Variants in PDK1 observed in about 807,000 individuals in gnomAD.
The protein encoded by PDK1 is [Pyruvate dehydrogenase (acetyl-transferring)] kinase isozyme 1, mitochondrial.
Under a neutral mutation model 54.2 loss-of-function variants are expected in PDK1, and 39 were observed. That is an observed-to-expected ratio of 0.72 (90% CI 0.56 to 0.94). The LOEUF (loss-of-function observed/expected upper bound fraction) is 0.94. Among genes scored for constraint, PDK1 ranks in the 40% least tolerant of loss-of-function variants. The pLI is 0.00. For synonymous variants in PDK1, 221 were observed against 207.1 expected (o/e 1.07, Z -0.58); for missense variants, 552 against 566.0 (o/e 0.98, Z 0.25).
chr2:172,568,697 GC>G, intron 6 of PDK1, 43 bp from the exon 7 acceptor site: 2 of 1,151,326 alleles, frequency 1.7e-6, no homozygotes, highest in Non-Finnish European at 2.6e-6. Context: ...AATGCTTTAA[GC>G]ACATCTCTCT....
the PDK1 span, among the ~76,000 whole-genome samples, chr2:172,705,263 C>A: frequency 6.6e-6 from 1 of 152,174 alleles, no homozygotes; most frequent in Non-Finnish European, 1.5e-5. Flanking sequence ...CAAGGATTTG[C>A]CTTGAAAATT....
At position 172,600,259 on chromosome 2, in the gene PDK1, A is replaced by G. The variant is rs978446735; in HGVS notation, c.*4290A>G. On this transcript the variant is annotated 3_prime_UTR_variant, in exon 11 of 11. Transcript: ENST00000282077. ...AGTACTACATGAAAATACTTAATAT[A>G]GAGTTCTACAGTTACAGTATTGCAT... 6.6e-6 allele frequency: 1 copy of G among 152,150 alleles called. No individual in the cohort carries two copies. Among genetic ancestry groups the G allele is most frequent in the Non-Finnish European group, 1.5e-5 (1 of 68,044 alleles). The allele number at this position is 152,150 out of a possible 1,614,324, so 9.4% of individuals were successfully genotyped here.
the PDK1 span, among the ~76,000 whole-genome samples, chr2:172,657,871 G>C: frequency 4.6e-5 from 7 of 152,316 alleles, no homozygotes; most frequent in Non-Finnish European, 1.0e-4. Flanking sequence ...TTTGGCTCTT[G>C]ATTCTGCAGA....
At chr2:172,591,150 G>T (rs79246370) in intron 9 of PDK1, among the ~76,000 whole-genome samples, 6,633 of 152,188 alleles carry the variant, frequency 0.044, 285 homozygotes, top group East Asian at 0.21. Flanking sequence ...ATAGCTTGAT[G>T]GCCTTGATTC....
intron 8 of PDK1, among the ~76,000 whole-genome samples, chr2:172,580,520 C>G (rs1689846694): frequency 6.6e-6 from 1 of 152,188 alleles, no homozygotes; most frequent in Non-Finnish European, 1.5e-5. Flanking sequence ...GAGATTACTT[C>G]TGTGCTGGTG....
the PDK1 span, among the ~76,000 whole-genome samples, chr2:172,697,959 C>G: frequency 0.12 from 17,542 of 152,120 alleles, 1,126 homozygotes; most frequent in South Asian, 0.2. Flanking sequence ...AAGCATCTCA[C>G]CGGAAAACTA....
the PDK1 span, among the ~76,000 whole-genome samples, chr2:172,635,220 ATG>A: frequency 6.6e-6 from 1 of 152,230 alleles, no homozygotes; most frequent in African/African-American, 2.4e-5. Flanking sequence ...TTATATAAAA[ATG>A]TATTTCATTC....
At chr2:172,699,434 A>AT in the PDK1 span, among the ~76,000 whole-genome samples, 227 of 144,276 alleles carry the variant, frequency 1.6e-3, 1 homozygote, top group African/African-American at 5.2e-3. Context: ...AATCGTTCAT[A>AT]TTTTTTTTGA....
the PDK1 span, among the ~76,000 whole-genome samples, chr2:172,718,786 C>G: frequency 2.0e-5 from 3 of 152,110 alleles, no homozygotes; most frequent in African/African-American, 7.2e-5. Context: ...AGTCAGGAAG[C>G]CAGAGTCCCT....
chr2:172,654,954 C>T, the PDK1 span, among the ~76,000 whole-genome samples: 2 of 152,224 alleles, frequency 1.3e-5, no homozygotes, highest in African/African-American at 4.8e-5. Context: ...GGGATTTTGT[C>T]AGTTATACTC....
chr2:172,611,682 C>G (rs1216277878), downstream of PDK1, among the ~76,000 whole-genome samples: 1 of 152,154 alleles, frequency 6.6e-6, no homozygotes. Flanking sequence ...TAATGTATAA[C>G]AAGAAGTACG....
At chr2:172,587,603 A>G (rs1690319917) in intron 9 of PDK1, among the ~76,000 whole-genome samples, 1 of 152,078 alleles carries the variant, frequency 6.6e-6, no homozygotes. Flanking sequence ...TATTGTGAAG[A>G]GCAAAAGAAC....
At chr2:172,617,111 G>A in the PDK1 span, among the ~76,000 whole-genome samples, 1 of 151,948 alleles carries the variant, frequency 6.6e-6, no homozygotes, top group African/African-American at 2.4e-5. Flanking sequence ...CACCACACAT[G>A]GCTAATTTTT....
chr2:172,612,405 T>C (rs918872475), downstream of PDK1, among the ~76,000 whole-genome samples: 2 of 152,232 alleles, frequency 1.3e-5, no homozygotes, highest in Non-Finnish European at 2.9e-5. Flanking sequence ...ACTGAATATA[T>C]GTTAGTAATT....
the PDK1 span, among the ~76,000 whole-genome samples, chr2:172,616,381 A>G: frequency 2.6e-5 from 4 of 152,376 alleles, no homozygotes; most frequent in East Asian, 1.9e-4. Context: ...TTAATGAACT[A>G]TAGCTACACA....
rs1691169054 is a variant in PDK1 at position 172,603,106 on chromosome 2, A to C, written c.*7137A>C. ...GGGCCTGAGATTCTGCATTTCTAAC[A>C]AGTTTCCTGGTGATATTAATGCTGC... On this transcript the variant is annotated 3_prime_UTR_variant, in exon 11 of 11. Coordinates refer to ENST00000282077, the MANE Select transcript of PDK1 (RefSeq NM_002610.5). The C allele has an allele frequency of 6.6e-6, 1 of 152,162 alleles. No homozygotes were observed. Among genetic ancestry groups the C allele is most frequent in the African/African-American group, 2.4e-5 (1 of 41,426 alleles). The allele number at this position is 152,162 out of a possible 1,614,324, so 9.4% of individuals were successfully genotyped here.
At chr2:172,579,033 C>G (rs2149256000) in intron 8 of PDK1, among the ~76,000 whole-genome samples, 1 of 152,270 alleles carries the variant, frequency 6.6e-6, no homozygotes, top group Non-Finnish European at 1.5e-5. Context: ...AGTGTCTTTC[C>G]TGAGCATGAC....
rs757837596 is a variant in PDK1 at position 172,566,914 on chromosome 2, A to C, written c.750A>C (p.Leu250=). Residue 250 remains leucine, a synonymous_variant, in exon 6 of 11, where the codon CTA becomes CTC. Coordinates refer to ENST00000282077, the MANE Select transcript of PDK1 (RefSeq NM_002610.5). ...CDLYYINSPE[L]ELEELNAKSP... ...TGTATTATATTAACTCTCCCGAACTAGAACTTGAAGAACTAAATGGTAAGC... is the reference window on the plus strand; with the variant it reads ...TGTATTATATTAACTCTCCCGAACTCGAACTTGAAGAACTAAATGGTAAGC... The C allele has an allele frequency of 6.2e-7, 1 of 1,605,702 alleles. No individual in the cohort carries two copies. Among genetic ancestry groups the C allele is most frequent in the East Asian group, 2.2e-5 (1 of 44,758 alleles).
In PDK1 at chr2:172,560,298, T is replaced by A. The variant is rs535565609; in HGVS notation, c.338+1449T>A. 3.3e-5 allele frequency among the ~76,000 whole-genome samples: 5 copies of A among 152,368 alleles called. No homozygotes were observed. In the South Asian group the frequency reaches 1.0e-3, roughly 32 times the overall value. ...CTAAGGCAGCTGCCTCCCGAGCAGC[T>A]GGGACCACAGCCATGCGCCACCATA... On this transcript the variant is annotated intron_variant, in intron 2 of 10. Transcript: ENST00000282077.
Sources: gnomAD v4.1 joint callset for allele counts (sites outside exome capture counted in the v4.1 genomes callset) on GRCh38, gnomAD v4.1.1 for gene constraint, MANE v1.5 for transcripts, NCBI Gene and HGNC (gene_info 2026-07-23, HGNC 2026-07-21) for gene names.